ABCG2: variants seen among roughly 807,000 people sequenced by gnomAD.
The protein encoded by ABCG2 is broad substrate specificity ATP-binding cassette transporter ABCG2.
In ABCG2, 80 loss-of-function variants were observed where a neutral mutation model predicts 73.5. The ratio of observed to expected loss-of-function variants is 1.09; its 90% CI spans 0.91 to 1.31. The LOEUF is 1.31. ABCG2 is among the 50% of genes most tolerant of loss of function. The probability of loss-of-function intolerance (pLI) is 0.00; values close to 1 mark genes in which losing one functional copy is unlikely to be tolerated. For missense variants in ABCG2, 796 were observed against 786.2 expected, an observed-to-expected ratio of 1.01 and a Z score of -0.15; for synonymous variants, 269 against 282.4, an observed-to-expected ratio of 0.95 and a Z score of 0.48.
At chr4:88,169,851 C>T (rs987415880) in intron 1 of ABCG2, among the ~76,000 whole-genome samples, 2 of 152,116 alleles carry the variant, frequency 1.3e-5, no homozygotes, top group African/African-American at 4.8e-5. Context: ...TGGCTCACAC[C>T]TGTATTCCCA....
At chr4:88,220,848 C>T (rs1729989144) in intron 1 of ABCG2, among the ~76,000 whole-genome samples, 1 of 152,176 alleles carries the variant, frequency 6.6e-6, no homozygotes. Context: ...TTGCTCAGCA[C>T]TTCTCCTTCC....
At chr4:88,120,641 C>A (rs1410943682) in intron 6 of ABCG2, among the ~76,000 whole-genome samples, 1 of 152,176 alleles carries the variant, frequency 6.6e-6, no homozygotes, top group Non-Finnish European at 1.5e-5. Context: ...TGGCCAATTT[C>A]TCCCATTTGG....
rs981308853 is a variant in ABCG2, at chr4:88,208,794, C to G, written c.-20+22200G>C. On this transcript the variant is annotated intron_variant, in intron 1 of 15. Transcript: ENST00000515655. ...AATTGAATCCATAAATATGGCCAAC[C>G]TAACTTATTTCAAGTGTCCCACTAT... is the stretch of plus-strand genomic sequence containing the variant. Among the ~76,000 whole-genome samples the G allele has an allele frequency of 6.6e-4, 100 of 152,168 alleles. 1 individual carries two copies. Among genetic ancestry groups the G allele is most frequent in the African/African-American group, 2.3e-3 (96 of 41,430 alleles).
chr4:88,103,360 T>C (rs375674869), intron 10 of ABCG2, among the ~76,000 whole-genome samples: 23 of 152,324 alleles, frequency 1.5e-4, no homozygotes, highest in African/African-American at 4.8e-4. Context: ...ATTAAGGAAG[T>C]TAATTCATTC....
intron 10 of ABCG2, among the ~76,000 whole-genome samples, chr4:88,103,556 T>C (rs2622612): frequency 0.78 from 118,622 of 152,200 alleles, 50,095 homozygotes; most frequent in Non-Finnish European, 0.96. Context: ...ACATCCATCG[T>C]CTCAAACATT....
intron 1 of ABCG2, among the ~76,000 whole-genome samples, chr4:88,176,647 A>ATTTTTT (rs35728226): frequency 1.1e-5 from 1 of 90,162 alleles, no homozygotes; most frequent in Non-Finnish European, 2.2e-5. Context: ...CACCTGGCTA[A>ATTTTTT]TTTTTTTTTT....
At chr4:88,101,088 T>A in intron 11 of ABCG2, 142 bp downstream of exon 11, 3 of 621,662 alleles carry the variant, frequency 4.8e-6, no homozygotes, top group Non-Finnish European at 8.5e-6. Flanking sequence ...ATACAATTTT[T>A]ATTCATCAAT....
chr4:88,097,345 C>A, intron 13 of ABCG2, 108 bp downstream of exon 13: 2 of 1,260,200 alleles, frequency 1.6e-6, no homozygotes, highest in South Asian at 1.5e-5. Context: ...TAAAGCAGAG[C>A]CCCATTTACA....
At chr4:88,096,924 G>A (rs1722019653) in intron 13 of ABCG2, among the ~76,000 whole-genome samples, 1 of 152,132 alleles carries the variant, frequency 6.6e-6, no homozygotes, top group Non-Finnish European at 1.5e-5. Context: ...TGCTTCTTAT[G>A]AGGCTTAATA....
At chr4:88,229,246 G>T (rs1394635845) in intron 1 of ABCG2, among the ~76,000 whole-genome samples, 1 of 152,186 alleles carries the variant, frequency 6.6e-6, no homozygotes, top group African/African-American at 2.4e-5. Flanking sequence ...ACAGTTCCAT[G>T]TGTTCATACC....
chr4:88,228,846 G>A (rs1301393941), intron 1 of ABCG2, among the ~76,000 whole-genome samples: 1 of 110,406 alleles, frequency 9.1e-6, no homozygotes, highest in Non-Finnish European at 2.2e-5. Flanking sequence ...AGCGCTCTGT[G>A]TCTAGCTAAA....
chr4:88,151,487 C>A (rs1335747274), intron 1 of ABCG2, among the ~76,000 whole-genome samples: 1 of 152,116 alleles, frequency 6.6e-6, no homozygotes, highest in Non-Finnish European at 1.5e-5. Context: ...GCCTGTAATC[C>A]CAGCACTTTG....
chr4:88,132,046 G>A, intron 3 of ABCG2, 129 bp from the exon 4 acceptor site: 1 of 609,186 alleles, frequency 1.6e-6, no homozygotes, highest in East Asian at 2.8e-5. Flanking sequence ...ACTTTAGTTA[G>A]AAAATTAACT....
intron 1 of ABCG2, among the ~76,000 whole-genome samples, chr4:88,153,338 T>A (rs943936878): frequency 2.0e-5 from 3 of 152,038 alleles, no homozygotes; most frequent in Non-Finnish European, 2.9e-5. Context: ...GTGTCTGGAA[T>A]GAGACTGGGG....
chr4:88,219,413 G>A (rs1729927573), intron 1 of ABCG2, among the ~76,000 whole-genome samples: 2 of 152,080 alleles, frequency 1.3e-5, no homozygotes, highest in African/African-American at 4.8e-5. Context: ...TGTTCTACAA[G>A]GAAATTACAT....
intron 2 of ABCG2, among the ~76,000 whole-genome samples, chr4:88,136,739 G>A (rs1302628998): frequency 6.6e-6 from 1 of 151,144 alleles, no homozygotes; most frequent in Non-Finnish European, 1.5e-5. Context: ...AAAGAGGCTG[G>A]GCACGGTGGC....
Position 88,121,651 on chromosome 4 carries a change from G to T in ABCG2, c.673C>A (p.Leu225Ile), listed in dbSNP as rs201080118. ...AGCATTTACCTTTTCAGGAGCAAAA[G>T]GACAGCATTTGCTGTGCTTGAGTCT... is the stretch of plus-strand genomic sequence containing the variant. ...GLDSSTANAV[L>I]LLLKRMSKQG... Residue 225 changes from leucine (L) to isoleucine (I), a missense_variant, in exon 6 of 16, where the codon CTT (leucine) becomes ATT (isoleucine). By Grantham distance (5) the Leu-to-Ile change is conservative. Transcript: ENST00000237612. The T allele has an allele frequency of 1.5e-5, 25 of 1,613,654 alleles. No individual in the cohort carries two copies. In the East Asian group the frequency reaches 5.4e-4, roughly 35 times the overall value.
At chr4:88,111,473 T>G (rs1723127813) in intron 9 of ABCG2, among the ~76,000 whole-genome samples, 2 of 152,188 alleles carry the variant, frequency 1.3e-5, no homozygotes, top group South Asian at 4.1e-4. Flanking sequence ...TTTATATATA[T>G]ACTTAACTAG....
chr4:88,156,856 G>C lies in ABCG2; in HGVS notation c.-20+1530C>G, dbSNP rs185017354. Among the ~76,000 whole-genome samples the C allele has an allele frequency of 3.6e-3, 555 of 152,278 alleles. 4 individuals are homozygous for C. Among genetic ancestry groups the C allele is most frequent in the African/African-American group, 0.013 (524 of 41,564 alleles). On this transcript the variant is annotated intron_variant, in intron 1 of 15. Coordinates refer to ENST00000237612, the MANE Select transcript of ABCG2 (RefSeq NM_004827.3). ...ACAGTGGCTCACGCCTGTAATCCCA[G>C]CACTTTGGGAGGCCAAGGCAGGAGG...
Sources: allele counts gnomAD v4.1 joint callset (sites outside exome capture counted in the v4.1 genomes callset), GRCh38; gene constraint gnomAD v4.1.1; transcripts MANE v1.5; gene names NCBI Gene and HGNC (gene_info 2026-07-23, HGNC 2026-07-21).